The following CLSTN3 variants were observed in gnomAD, a reference collection of about 807,000 sequenced individuals.
CLSTN3 encodes the protein calsyntenin 3.
A neutral mutation model predicts 95.9 loss-of-function variants in CLSTN3; 36 were observed. The ratio of observed to expected loss-of-function variants is 0.38; its 90% CI spans 0.29 to 0.50. The LOEUF is 0.50. Among genes scored for constraint, CLSTN3 ranks in the 20% least tolerant of loss-of-function variants. The pLI, the probability that CLSTN3 is intolerant of heterozygous loss-of-function variation, is 0.95. For missense variants in CLSTN3, 1,084 were observed against 1,268.8 expected, an observed-to-expected ratio of 0.85 and a Z score of 2.21; for synonymous variants, 481 against 504.0, an observed-to-expected ratio of 0.95 and a Z score of 0.61.
chr12:7,158,158 T>C lies in CLSTN3; in HGVS notation c.*77T>C, dbSNP rs1310708160. ...CACTCCAGACATGGGAGAAGGACTT[T>C]CTGGGAACACAGAGACCAAGAGGGA... On this transcript the variant is annotated 3_prime_UTR_variant, in exon 18 of 18. Transcript: ENST00000266546. 15 of 1,430,032 alleles carry C rather than the reference T, an allele frequency of 1.0e-5. No homozygotes were observed. Among genetic ancestry groups the C allele is most frequent in the Non-Finnish European group, 1.3e-5 (14 of 1,081,746 alleles). 88.6% of individuals were successfully genotyped at this position (1,430,032 alleles called of 1,614,324 possible). A position where few individuals can be genotyped will look rare whatever the true frequency, so the allele number is the denominator to read the frequency against.
In CLSTN3 at chr12:7,156,361, A is replaced by C. The variant is rs148555327; in HGVS notation, c.2528-1128A>C. Reference sequence around the variant, plus strand: ...AGCTGTGTGTGTGTGTGCAGGAGGCAGGCAGGGCTGTGCTCATGGCGGCTC... The same window carrying C: ...AGCTGTGTGTGTGTGTGCAGGAGGCCGGCAGGGCTGTGCTCATGGCGGCTC... On this transcript the variant is annotated intron_variant, in intron 16 of 17. Transcript: ENST00000266546. The C allele has an allele frequency of 1.4e-4, 63 of 456,952 alleles. 1 individual carries two copies. Among genetic ancestry groups the C allele is most frequent in the African/African-American group, 1.0e-3 (52 of 50,184 alleles). The allele number at this position is 456,952 out of a possible 1,614,324, so 28.3% of individuals were successfully genotyped here. A position where few individuals can be genotyped will look rare whatever the true frequency, so the allele number is the denominator to read the frequency against.
intron 12 of CLSTN3, among the ~76,000 whole-genome samples, chr12:7,144,208 G>A (rs888482913): frequency 6.9e-6 from 1 of 145,106 alleles, no homozygotes; most frequent in African/African-American, 2.6e-5. Context: ...ACTCCAGCCT[G>A]GGCTACAAAG....
In CLSTN3 at chr12:7,149,573, G is replaced by A; in HGVS notation, c.2125G>A (p.Glu709Lys). ...GATTGTGCACAACCTGGATGGCTGT[G>A]AAATTTCTCTGGTGGGGGATGACCT... is the stretch of plus-strand genomic sequence containing the variant. ...DEIVHNLDGC[E>K]ISLVGDDLDP... is the part of the protein sequence containing the mutation. Residue 709 changes from glutamate to lysine, a missense_variant, in exon 14 of 18, where the codon GAA (glutamate) becomes AAA (lysine). Transcript: ENST00000266546. This position sits in a 1 kb window ranked among gnomAD's most constrained non-coding sequence, Gnocchi z 4.5. 6.2e-7 allele frequency: 1 copy of A among 1,614,152 alleles called. No individual in the cohort carries two copies. Among genetic ancestry groups the A allele is most frequent in the South Asian group, 1.1e-5 (1 of 91,082 alleles).
chr12:7,135,297 T>G, intron 3 of CLSTN3, 30 bp from the exon 4 acceptor site: 2 of 1,608,570 alleles, frequency 1.2e-6, no homozygotes, highest in Non-Finnish European at 1.7e-6. Context: ...CTGACGTGTC[T>G]TCATCCCTCC....
chr12:7,150,944 G>A lies in CLSTN3; in HGVS notation c.2408G>A (p.Ser803Asn), dbSNP rs1174928481. ...EFIVEVNVLH[S>N]MNRVAHPSHV... ...TCTGCCCAGGTCAATGTCCTGCACA[G>A]CATGAACCGGGTTGCCCACCCCAGC... Residue 803 changes from serine to asparagine, a missense_variant, in exon 16 of 18, where the codon AGC becomes AAC. Coordinates refer to ENST00000266546, the MANE Select transcript of CLSTN3 (RefSeq NM_014718.4). This position sits in a 1 kb window ranked among gnomAD's most constrained non-coding sequence, Gnocchi z 4.0. 6.2e-7 allele frequency: 1 copy of A among 1,608,606 alleles called. No individual in the cohort carries two copies.
At position 7,157,847 on chromosome 12, in the gene CLSTN3, G is replaced by T. The variant is rs1939848427; in HGVS notation, c.2731-94G>T. 2.0e-6 allele frequency: 3 copies of T among 1,523,434 alleles called. No homozygotes were observed. The highest frequency in any genetic ancestry group is 2.6e-6 in the Non-Finnish European group (3 of 1,134,228). The allele number at this position is 1,523,434 out of a possible 1,614,324, so 94.4% of individuals were successfully genotyped here. A position where few individuals can be genotyped will look rare whatever the true frequency, so the allele number is the denominator to read the frequency against. ...TCAGGCAGGGAAGGGGGTACACAGG[G>T]GTTAAGGGGACCGAGGGAAGTGTGG... On this transcript the variant is annotated intron_variant, in intron 17 of 17. Transcript: ENST00000266546. The surrounding 1 kb of genome is among the most constrained non-coding windows in gnomAD (Gnocchi z 5.9).
At chr12:7,148,609 T>G (rs1169150296) in intron 12 of CLSTN3, among the ~76,000 whole-genome samples, 1 of 152,238 alleles carries the variant, frequency 6.6e-6, no homozygotes, top group Admixed American at 6.5e-5. Context: ...GATAAAGAAC[T>G]GTGTGTGTAT....
Position 7,130,412 on chromosome 12 carries a change from G to C in CLSTN3, c.-237G>C. On this transcript the variant is annotated 5_prime_UTR_variant, in exon 1 of 18. Coordinates refer to ENST00000266546, the MANE Select transcript of CLSTN3 (RefSeq NM_014718.4). Reference sequence around the variant, plus strand: ...GTTGGGGTGGGAGTGAGAGAGTGAGGACGCTGGGCTGGGGGAAACGGGAAG... The same window carrying C: ...GTTGGGGTGGGAGTGAGAGAGTGAGCACGCTGGGCTGGGGGAAACGGGAAG... The C allele has an allele frequency of 2.1e-6, 3 of 1,443,864 alleles. No homozygotes were observed. In the South Asian group the frequency reaches 4.3e-5, roughly 21 times the overall value. 89.4% of individuals were successfully genotyped at this position (1,443,864 alleles called of 1,614,324 possible).
In CLSTN3 at chr12:7,141,742, G is replaced by A. The variant is rs1040431543; in HGVS notation, c.1486+338G>A. Among the ~76,000 whole-genome samples, 12 of 152,172 alleles carry A rather than the reference G, an allele frequency of 7.9e-5. No homozygotes were observed. Among genetic ancestry groups the A allele is most frequent in the Non-Finnish European group, 1.5e-4 (10 of 68,042 alleles). The stretch of plus-strand genomic sequence containing the variant: ...TGCTCAAGGAGAGTAACCCCTTAGA[G>A]TGTCCTCGGTCTTCCAACTTTTAAG... On this transcript the variant is annotated intron_variant, in intron 9 of 17. Transcript: ENST00000266546. The surrounding 1 kb of genome is among the most constrained non-coding windows in gnomAD (Gnocchi z 4.1).
chr12:7,157,714 G>A lies in CLSTN3; in HGVS notation c.2730+23G>A, dbSNP rs753647149. On this transcript the variant is annotated intron_variant, in intron 17 of 17. Transcript: ENST00000266546. This position sits in a 1 kb window ranked among gnomAD's most constrained non-coding sequence, Gnocchi z 5.9. ...GAGGTGAGAGGCCTGGGGAAGCGGG[G>A]TTCTGTAGGGTCAAGACTGTGGAGC... is the stretch of plus-strand genomic sequence containing the variant. The A allele has an allele frequency of 3.0e-5, 47 of 1,553,704 alleles. 1 individual carries two copies. The South Asian group carries it at 4.7e-4, about 16-fold the overall frequency.
At chr12:7,154,444 G>A (rs745791840) in intron 16 of CLSTN3, among the ~76,000 whole-genome samples, 3 of 152,172 alleles carry the variant, frequency 2.0e-5, no homozygotes, top group Non-Finnish European at 2.9e-5. Flanking sequence ...ACTGTAAAAG[G>A]GATTTTTGGA....
intron 12 of CLSTN3, 35 bp from the exon 13 acceptor site, chr12:7,148,937 G>A (rs1287969451): frequency 6.4e-7 from 1 of 1,572,686 alleles, no homozygotes; most frequent in Admixed American, 1.7e-5. Context: ...GGAAGTGTTG[G>A]GGTCACATGC....
chr12:7,140,560 C>T (rs1241270156), intron 8 of CLSTN3, among the ~76,000 whole-genome samples: 1 of 152,146 alleles, frequency 6.6e-6, no homozygotes, highest in Non-Finnish European at 1.5e-5. Flanking sequence ...GACCATCCCC[C>T]ATTCCATCTT....
chr12:7,138,314 A>G (rs1408121218), intron 8 of CLSTN3, among the ~76,000 whole-genome samples: 1 of 152,060 alleles, frequency 6.6e-6, no homozygotes, highest in Non-Finnish European at 1.5e-5. Flanking sequence ...ACCAAAGTCG[A>G]CCAACCATCT....
Position 7,149,066 on chromosome 12 carries a change from A to G in CLSTN3, c.1942A>G (p.Thr648Ala). Residue 648 changes from threonine (T) to alanine (A), a missense_variant, in exon 13 of 18, where the codon ACT becomes GCT. Transcript: ENST00000266546. This position sits in a 1 kb window ranked among gnomAD's most constrained non-coding sequence, Gnocchi z 4.5. ...PDAPQILLSG[T>A]AHFARPAVDF... ...CGCCCCCCAGATCCTGCTGAGTGGC[A>G]CTGCTCATTTTGCCCGCCCAGCTGT... The G allele has an allele frequency of 6.2e-7, 1 of 1,614,224 alleles. No homozygotes were observed. Among genetic ancestry groups the G allele is most frequent in the South Asian group, 1.1e-5 (1 of 91,078 alleles).
In CLSTN3 at chr12:7,130,542, C is replaced by T; in HGVS notation, c.-107C>T. On this transcript the variant is annotated 5_prime_UTR_variant, in exon 1 of 18. Coordinates refer to ENST00000266546, the MANE Select transcript of CLSTN3 (RefSeq NM_014718.4). ...TCCTTTCCGTCCCTGCCCTGCTGTA[C>T]CCCGCTCCTTGGAGACCCCCTGTAT... 1.3e-6 allele frequency: 2 copies of T among 1,545,440 alleles called. No individual in the cohort carries two copies. Among genetic ancestry groups the T allele is most frequent in the Non-Finnish European group, 1.7e-6 (2 of 1,146,684 alleles).
chr12:7,151,123 C>T, intron 16 of CLSTN3, 60 bp downstream of exon 16: 1 of 1,468,172 alleles, frequency 6.8e-7, no homozygotes, highest in Non-Finnish European at 9.1e-7. Flanking sequence ...TGTGTTGGGA[C>T]AGGTATCCTC....
chr12:7,136,379 C>T lies in CLSTN3; in HGVS notation c.916C>T (p.Arg306Trp), dbSNP rs1336255965. ...TGACAACTACTCAGAGCGGGCGCTG[C>T]GGAAACTCTGTGGTAGGTGTGCCCC... ...DRDNYSERAL[R>W]KLCGAATGEV... is the part of the protein sequence containing the mutation. Residue 306 changes from arginine (R) to tryptophan (W), a missense_variant, in exon 6 of 18, where the codon CGG (arginine) becomes TGG (tryptophan). Coordinates refer to ENST00000266546, the MANE Select transcript of CLSTN3 (RefSeq NM_014718.4). 10 of 1,610,500 alleles carry T rather than the reference C, an allele frequency of 6.2e-6. No homozygotes were observed. The highest frequency in any genetic ancestry group is 1.3e-5 in the African/African-American group (1 of 74,840).
intron 12 of CLSTN3, among the ~76,000 whole-genome samples, chr12:7,143,891 G>A (rs1939576369): frequency 6.6e-6 from 1 of 152,280 alleles, no homozygotes; most frequent in South Asian, 2.1e-4. Context: ...GGGTAGTTGG[G>A]ACAAAGATCA....
Sources: allele counts gnomAD v4.1 joint callset (sites outside exome capture counted in the v4.1 genomes callset), GRCh38; gene constraint gnomAD v4.1.1; non-coding constraint Gnocchi (gnomAD v3.1); transcripts MANE v1.5; gene names NCBI Gene and HGNC (gene_info 2026-07-23, HGNC 2026-07-21).